Variants in SMAP1 observed in about 807,000 individuals in gnomAD.
SMAP1 encodes the protein small ArfGAP 1.
SMAP1 carries 24 observed loss-of-function variants against 58.5 expected under a neutral mutation model. The observed-to-expected ratio is 0.41, with a 90% confidence interval of 0.30 to 0.58. The LOEUF (loss-of-function observed/expected upper bound fraction) is 0.58. Among genes scored for constraint, SMAP1 ranks in the 20% least tolerant of loss-of-function variants. The probability of loss-of-function intolerance (pLI) is 0.29; values close to 1 mark genes in which losing one functional copy is unlikely to be tolerated. For synonymous variants in SMAP1, 216 were observed against 196.6 expected, an observed-to-expected ratio of 1.10 and a Z score of -0.82; for missense variants, 563 against 566.3, an observed-to-expected ratio of 0.99 and a Z score of 0.06.
intron 5 of SMAP1, among the ~76,000 whole-genome samples, chr6:70,794,373 G>A (rs1010865666): frequency 6.6e-6 from 1 of 152,078 alleles, no homozygotes; most frequent in Non-Finnish European, 1.5e-5. Flanking sequence ...ATATTACTTC[G>A]AAGCCTGTAT....
chr6:70,714,874 A>G (rs1319457070), intron 1 of SMAP1, among the ~76,000 whole-genome samples: 1 of 152,204 alleles, frequency 6.6e-6, no homozygotes, highest in East Asian at 1.9e-4. Flanking sequence ...ATTGCTGGGT[A>G]TAGTATTCTT....
In SMAP1 at chr6:70,667,916, C is replaced by G. The variant is rs1581965036; in HGVS notation, c.-108C>G. On this transcript the variant is annotated 5_prime_UTR_variant, in exon 1 of 11. Transcript: ENST00000370455. Reference sequence around the variant, plus strand: ...CCAGCTGCCGCTGCCGCTTCCTGGGCTGAGTCCGCCCGCGGTCCCGGCGGC... The same window carrying G: ...CCAGCTGCCGCTGCCGCTTCCTGGGGTGAGTCCGCCCGCGGTCCCGGCGGC... The G allele has an allele frequency of 1.1e-6, 1 of 922,562 alleles. No individual in the cohort carries two copies. The highest frequency in any genetic ancestry group is 3.2e-5 in the East Asian group (1 of 31,146). 57.1% of individuals were successfully genotyped at this position (922,562 alleles called of 1,614,324 possible).
At chr6:70,725,807 GTATTA>G (rs1415511690) in intron 1 of SMAP1, among the ~76,000 whole-genome samples, 2 of 152,090 alleles carry the variant, frequency 1.3e-5, no homozygotes, top group Non-Finnish European at 2.9e-5. Flanking sequence ...TTTATCTTGG[GTATTA>G]TGAGGAAAGA....
At chr6:70,820,998 T>G (rs13212771) in intron 6 of SMAP1, among the ~76,000 whole-genome samples, 21,862 of 152,182 alleles carry the variant, frequency 0.14, 1,803 homozygotes, top group South Asian at 0.21. Flanking sequence ...GTCTAAAGTT[T>G]GATTTCTGTA....
rs150629507 is a variant in SMAP1 at position 70,789,206 on chromosome 6, A to G, written c.415-2483A>G. Among the ~76,000 whole-genome samples, 1,291 of 152,286 alleles carry G rather than the reference A, an allele frequency of 8.5e-3. 7 individuals are homozygous for G. Among genetic ancestry groups the G allele is most frequent in the Non-Finnish European group, 0.013 (899 of 68,026 alleles). Reference sequence around the variant, plus strand: ...TTTATTGAAATATAATTCATATATAATAAAAGGTAGATATTTTAAGGTACA... The same window carrying G: ...TTTATTGAAATATAATTCATATATAGTAAAAGGTAGATATTTTAAGGTACA... On this transcript the variant is annotated intron_variant, in intron 4 of 10. Transcript: ENST00000370455.
chr6:70,774,933 C>T (rs1170988892), intron 4 of SMAP1, among the ~76,000 whole-genome samples: 1 of 151,598 alleles, frequency 6.6e-6, no homozygotes, highest in Non-Finnish European at 1.5e-5. Flanking sequence ...TTGCTTGCAT[C>T]CAGGAGGCAG....
intron 1 of SMAP1, among the ~76,000 whole-genome samples, chr6:70,682,922 C>T (rs1766781392): frequency 6.6e-6 from 1 of 151,946 alleles, no homozygotes; most frequent in Non-Finnish European, 1.5e-5. Flanking sequence ...CCTGTAATCC[C>T]AGGTACTTGG....
intron 1 of SMAP1, among the ~76,000 whole-genome samples, chr6:70,695,165 A>G (rs1335686401): frequency 1.3e-5 from 2 of 152,218 alleles, no homozygotes; most frequent in Non-Finnish European, 1.5e-5. Flanking sequence ...GAATTTGTTT[A>G]TTCTAGTAGT....
chr6:70,856,800 A>G, intron 8 of SMAP1, 59 bp from the exon 9 acceptor site: 1 of 1,462,502 alleles, frequency 6.8e-7, no homozygotes, highest in South Asian at 1.5e-5. Context: ...ATTTTAAGTA[A>G]TGGATAAGCT....
At chr6:70,858,299 T>G (rs867177074) in intron 10 of SMAP1, 70 bp downstream of exon 10, 26,891 of 1,272,808 alleles carry the variant, frequency 0.021, 439 homozygotes, top group South Asian at 0.086. Context: ...TTTTTTTTTT[T>G]TTTTTTTTTT....
intron 1 of SMAP1, among the ~76,000 whole-genome samples, chr6:70,724,889 C>G (rs1768697746): frequency 6.6e-6 from 1 of 151,566 alleles, no homozygotes; most frequent in African/African-American, 2.4e-5. Flanking sequence ...TAAGAAACTC[C>G]CAAACATTCT....
chr6:70,773,942 C>T (rs1377066518), intron 4 of SMAP1, among the ~76,000 whole-genome samples: 1 of 152,158 alleles, frequency 6.6e-6, no homozygotes, highest in Non-Finnish European at 1.5e-5. Flanking sequence ...AGGTTTCAGT[C>T]AATGACAGAC....
intron 5 of SMAP1, among the ~76,000 whole-genome samples, chr6:70,792,520 T>A (rs1171166626): frequency 6.6e-6 from 1 of 152,026 alleles, no homozygotes; most frequent in Admixed American, 6.6e-5. Context: ...ATATAGCAGT[T>A]TATAATACAA....
At chr6:70,842,942 C>T (rs1323911100) in intron 7 of SMAP1, among the ~76,000 whole-genome samples, 1 of 152,124 alleles carries the variant, frequency 6.6e-6, no homozygotes, top group Admixed American at 6.5e-5. Context: ...CAGCAGGATT[C>T]CCAGGGTACG....
intron 3 of SMAP1, among the ~76,000 whole-genome samples, chr6:70,768,666 G>C (rs1767118983): frequency 6.6e-6 from 1 of 152,080 alleles, no homozygotes; most frequent in South Asian, 2.1e-4. Context: ...TCTTGCTAGT[G>C]GTCTATCAAT....
intron 2 of SMAP1, among the ~76,000 whole-genome samples, chr6:70,743,870 A>G (rs929023536): frequency 3.3e-5 from 5 of 152,230 alleles, no homozygotes; most frequent in African/African-American, 7.2e-5. Flanking sequence ...GGTACTGTCT[A>G]TAACAAAATT....
At position 70,749,357 on chromosome 6, in the gene SMAP1, C is replaced by T. The variant is rs148970503; in HGVS notation, c.253-5623C>T. ...ACGAGATGAGATCTGGGTGGGGACA[C>T]GAAGCCAAACCATATCAATTGGGTA... On this transcript the variant is annotated intron_variant, in intron 2 of 10. Coordinates refer to ENST00000370455, the MANE Select transcript of SMAP1 (RefSeq NM_001044305.3). Among the ~76,000 whole-genome samples the T allele has an allele frequency of 4.2e-3, 638 of 152,200 alleles. 5 individuals are homozygous for T. Among genetic ancestry groups the T allele is most frequent in the African/African-American group, 0.014 (586 of 41,532 alleles).
intron 5 of SMAP1, among the ~76,000 whole-genome samples, chr6:70,795,340 C>CT (rs1420012836): frequency 2.0e-5 from 3 of 152,206 alleles, no homozygotes; most frequent in African/African-American, 7.2e-5. Flanking sequence ...GCTGGCTACT[C>CT]TAACACTATA....
intron 2 of SMAP1, among the ~76,000 whole-genome samples, chr6:70,735,562 A>G (rs955707585): frequency 6.6e-6 from 1 of 152,176 alleles, no homozygotes; most frequent in African/African-American, 2.4e-5. Context: ...CAGATCCGAG[A>G]GTTTGAGACC....
Sources: gnomAD v4.1 joint callset for allele counts (sites outside exome capture counted in the v4.1 genomes callset) on GRCh38, gnomAD v4.1.1 for gene constraint, MANE v1.5 for transcripts, NCBI Gene and HGNC (gene_info 2026-07-23, HGNC 2026-07-21) for gene names.